The following SVIL variants were observed in gnomAD, a reference collection of about 807,000 sequenced individuals.
SVIL encodes the protein archvillin.
SVIL carries 101 observed loss-of-function variants against 240.4 expected under a neutral mutation model. That is an observed-to-expected ratio of 0.42 (90% CI 0.36 to 0.50). The LOEUF (loss-of-function observed/expected upper bound fraction) is 0.50. Ranked by LOEUF, SVIL falls within the 20% of genes least tolerant of loss-of-function variation. The pLI, the probability that SVIL is intolerant of heterozygous loss-of-function variation, is 0.01. For missense variants in SVIL, 2,512 were observed against 2,818.7 expected, an observed-to-expected ratio of 0.89 and a Z score of 2.46; for synonymous variants, 999 against 1,100.0, an observed-to-expected ratio of 0.91 and a Z score of 1.82.
chr10:29,499,707 CA>C (rs1216791435), intron 17 of SVIL, among the ~76,000 whole-genome samples: 91 of 139,286 alleles, frequency 6.5e-4, no homozygotes, highest in Non-Finnish European at 1.1e-3. Context: ...TGTGAGCACA[CA>C]AGGAACTTGC....
At chr10:29,650,649 C>CA (rs1466717640) in intron 3 of SVIL, among the ~76,000 whole-genome samples, 14 of 151,416 alleles carry the variant, frequency 9.2e-5, no homozygotes, top group African/African-American at 2.9e-4. Context: ...ACTTTCACTA[C>CA]AAAAAAAAGC....
At chr10:29,644,480 G>C (rs1739472202) in intron 3 of SVIL, among the ~76,000 whole-genome samples, 1 of 152,008 alleles carries the variant, frequency 6.6e-6, no homozygotes, top group African/African-American at 2.4e-5. Context: ...TCTTCCTCCA[G>C]AAACAGAGCT....
chr10:29,718,325 CA>C (rs59660864), intron 1 of SVIL, among the ~76,000 whole-genome samples: 23,520 of 133,276 alleles, frequency 0.18, 2,003 homozygotes, highest in South Asian at 0.26. Context: ...GACTCCGTCT[CA>C]AAAAAAAAAA....
intron 1 of SVIL, chr10:29,576,116 G>A (rs547218488): frequency 3.5e-4 from 342 of 985,090 alleles, no homozygotes; most frequent in East Asian, 6.8e-4. Context: ...TCCCGAATAC[G>A]TTTGGCTTCA....
intron 22 of SVIL, 91 bp from the exon 23 acceptor site, chr10:29,488,847 C>T (rs1947683297): frequency 7.2e-7 from 1 of 1,394,380 alleles, no homozygotes; most frequent in Non-Finnish European, 9.6e-7. Flanking sequence ...TGACTCAACA[C>T]CTTTGTCTTT....
At chr10:29,639,237 T>C (rs1479478849), upstream of SVIL, among the ~76,000 whole-genome samples, 1 of 152,146 alleles carries the variant, frequency 6.6e-6, no homozygotes, top group Non-Finnish European at 1.5e-5. Flanking sequence ...AGTGGCGCGA[T>C]CTTGGCTCAC....
chr10:29,613,831 C>G (rs145087588), intron 1 of SVIL, among the ~76,000 whole-genome samples: 1 of 152,122 alleles, frequency 6.6e-6, no homozygotes, highest in African/African-American at 2.4e-5. Flanking sequence ...TCTTCTTTTA[C>G]GTATTTTTTA....
intron 1 of SVIL, among the ~76,000 whole-genome samples, chr10:29,598,913 G>A (rs1443439272): frequency 6.6e-6 from 1 of 152,194 alleles, no homozygotes; most frequent in Non-Finnish European, 1.5e-5. Context: ...TTCTTCTGGT[G>A]ACAGATTTGG....
chr10:29,521,308 G>A (rs1950549741), intron 16 of SVIL, among the ~76,000 whole-genome samples: 1 of 151,964 alleles, frequency 6.6e-6, no homozygotes, highest in Admixed American at 6.6e-5. Flanking sequence ...TAGGCAGTTT[G>A]AAATGTATCT....
At chr10:29,532,294 C>A in intron 8 of SVIL, 122 bp from the exon 9 acceptor site, 3 of 1,279,692 alleles carry the variant, frequency 2.3e-6, no homozygotes, top group Non-Finnish European at 2.1e-6. Context: ...CCTCTTCATG[C>A]CTCTACCATG....
chr10:29,706,344 T>A (rs903745199), intron 1 of SVIL, among the ~76,000 whole-genome samples: 2 of 152,236 alleles, frequency 1.3e-5, no homozygotes, highest in African/African-American at 4.8e-5. Context: ...TTTTTAATAA[T>A]CACCATGCTG....
intron 3 of SVIL, among the ~76,000 whole-genome samples, chr10:29,557,099 C>A (rs542612165): frequency 1.8e-4 from 28 of 151,932 alleles, no homozygotes; most frequent in Non-Finnish European, 2.9e-4. Flanking sequence ...TTTTCTCCCC[C>A]CTCCCTTTCT....
chr10:29,558,201 C>T (rs150707877), intron 3 of SVIL, among the ~76,000 whole-genome samples: 138 of 152,286 alleles, frequency 9.1e-4, no homozygotes, highest in African/African-American at 2.5e-3. Flanking sequence ...CTAGATTCAA[C>T]GCAAAGCTAT....
intron 1 of SVIL, chr10:29,712,121 G>A (rs1194849606): frequency 6.6e-6 from 1 of 152,122 alleles, no homozygotes; most frequent in Non-Finnish European, 1.5e-5. Flanking sequence ...AGAGAGGGAA[G>A]TATAATCACA....
intron 2 of SVIL, among the ~76,000 whole-genome samples, chr10:29,660,090 A>C (rs1959112212): frequency 6.6e-6 from 1 of 152,090 alleles, no homozygotes; most frequent in East Asian, 1.9e-4. Flanking sequence ...AGGCTGAGGC[A>C]GGAGGATGGC....
At chr10:29,509,664 C>T (rs566865652) in intron 17 of SVIL, among the ~76,000 whole-genome samples, 12 of 151,672 alleles carry the variant, frequency 7.9e-5, no homozygotes, top group Non-Finnish European at 1.8e-4. Flanking sequence ...GCCTGACCTA[C>T]GTGGAGAAAC....
chr10:29,673,604 A>C (rs1959969654), intron 2 of SVIL, among the ~76,000 whole-genome samples: 1 of 144,962 alleles, frequency 6.9e-6, no homozygotes, highest in Non-Finnish European at 1.5e-5. Flanking sequence ...AGAGAGAGAG[A>C]GCTAGGGGGG....
chr10:29,492,729 T>G (rs1948088798), intron 21 of SVIL, among the ~76,000 whole-genome samples: 1 of 152,130 alleles, frequency 6.6e-6, no homozygotes, highest in South Asian at 2.1e-4. Flanking sequence ...AGCCCGCAGA[T>G]CTATTGATTT....
At chr10:29,708,534 T>C (rs562912823) in intron 1 of SVIL, among the ~76,000 whole-genome samples, 1 of 151,756 alleles carries the variant, frequency 6.6e-6, no homozygotes, top group Non-Finnish European at 1.5e-5. Flanking sequence ...GGCAGGAAAA[T>C]TGCTTGAACC....
Sources: allele counts gnomAD v4.1 joint callset (sites outside exome capture counted in the v4.1 genomes callset), GRCh38; gene constraint gnomAD v4.1.1; transcripts MANE v1.5; gene names NCBI Gene and HGNC (gene_info 2026-07-23, HGNC 2026-07-21).